The following SEPTIN11 variants were observed in gnomAD, a reference collection of about 807,000 sequenced individuals.
The protein encoded by SEPTIN11 is septin-11.
SEPTIN11 carries 25 observed loss-of-function variants against 51.4 expected under a neutral mutation model. The observed-to-expected ratio is 0.49, with a 90% CI of 0.35 to 0.68. The LOEUF is 0.68. Ranked by LOEUF, SEPTIN11 falls within the 30% of genes least tolerant of loss-of-function variation. The pLI, the probability that SEPTIN11 is intolerant of heterozygous loss-of-function variation, is 0.00. For missense variants in SEPTIN11, 381 were observed against 520.8 expected (o/e 0.73, Z 2.61); for synonymous variants, 174 against 184.1 (o/e 0.95, Z 0.44).
chr4:76,994,944 TTGAAGC>T (rs1271413333), intron 1 of SEPTIN11, among the ~76,000 whole-genome samples: 1 of 140,872 alleles, frequency 7.1e-6, no homozygotes, highest in East Asian at 2.2e-4. Flanking sequence ...AAATGGAACA[TTGAAGC>T]TGGGAGTGGT....
intron 1 of SEPTIN11, among the ~76,000 whole-genome samples, chr4:76,954,479 A>T (rs1189936890): frequency 6.6e-6 from 1 of 152,098 alleles, no homozygotes; most frequent in African/African-American, 2.4e-5. Flanking sequence ...CCCCCTTTTT[A>T]AAAATCTGGA....
At chr4:76,958,603 A>G (rs1290445857) in intron 1 of SEPTIN11, among the ~76,000 whole-genome samples, 1 of 152,208 alleles carries the variant, frequency 6.6e-6, no homozygotes. Flanking sequence ...ATAAGGGAGT[A>G]TGAATGTTAA....
chr4:77,037,731 G>GA lies in SEPTIN11; in HGVS notation c.*3223dup. ...AACACATGTACTGTAGAATGTGATG[G>GA]AAAAGCATTGATGAGAATTTATTGG... On this transcript the variant is annotated 3_prime_UTR_variant, in exon 10 of 10. Transcript: ENST00000264893. The GA allele has an allele frequency of 1.0e-6, 1 of 985,864 alleles. No homozygotes were observed. The highest frequency in any genetic ancestry group is 4.7e-5 in the South Asian group (1 of 21,286). 61.1% of individuals were successfully genotyped at this position (985,864 alleles called of 1,614,324 possible).
intron 1 of SEPTIN11, among the ~76,000 whole-genome samples, chr4:76,975,617 G>C (rs150831333): frequency 3.7e-4 from 56 of 152,268 alleles, no homozygotes; most frequent in African/African-American, 1.1e-3. Context: ...CATCAGATCT[G>C]TATTTCATTC....
chr4:77,028,434 T>C (rs540648836), intron 7 of SEPTIN11, among the ~76,000 whole-genome samples, 195 bp from the exon 8 acceptor site: 1 of 152,348 alleles, frequency 6.6e-6, no homozygotes, highest in South Asian at 2.1e-4. Context: ...ACTGACTGAT[T>C]TCTAGTTCTT....
chr4:76,979,980 C>T (rs1254457328), intron 1 of SEPTIN11, among the ~76,000 whole-genome samples: 1 of 152,068 alleles, frequency 6.6e-6, no homozygotes, highest in East Asian at 1.9e-4. Context: ...CTTTGAATGC[C>T]TTGTTTGTTT....
chr4:77,006,508 A>G (rs1401918370), intron 3 of SEPTIN11, among the ~76,000 whole-genome samples: 1 of 152,202 alleles, frequency 6.6e-6, no homozygotes, highest in Non-Finnish European at 1.5e-5. Flanking sequence ...TGACTATTTT[A>G]CATAGTACAT....
chr4:76,960,809 C>T (rs1262547699), intron 1 of SEPTIN11, among the ~76,000 whole-genome samples: 1 of 152,174 alleles, frequency 6.6e-6, no homozygotes. Context: ...TACTCCCCCA[C>T]CAAACCAAAT....
chr4:76,965,944 AAG>A (rs1450358811), intron 1 of SEPTIN11, among the ~76,000 whole-genome samples: 2 of 152,208 alleles, frequency 1.3e-5, no homozygotes, highest in African/African-American at 2.4e-5. Context: ...GCTTTAGAAA[AAG>A]AGCTATATTG....
In SEPTIN11 at chr4:77,034,779, G is replaced by A. The variant is rs1027811040; in HGVS notation, c.*267G>A. On this transcript the variant is annotated 3_prime_UTR_variant, in exon 10 of 10. Transcript: ENST00000264893. ...CTTTTTATGCCTGTTCTGAATGGCA[G>A]CACGAAGCAGGCCTGTTACTTGTAT... 6.9e-6 allele frequency: 8 copies of A among 1,160,474 alleles called. No individual in the cohort carries two copies. In the African/African-American group the frequency reaches 1.3e-4, roughly 19 times the overall value. 71.9% of individuals were successfully genotyped at this position (1,160,474 alleles called of 1,614,324 possible). A position where few individuals can be genotyped will look rare whatever the true frequency, so the allele number is the denominator to read the frequency against.
At chr4:77,003,146 A>G (rs1049056806) in intron 2 of SEPTIN11, among the ~76,000 whole-genome samples, 1 of 152,192 alleles carries the variant, frequency 6.6e-6, no homozygotes, top group Non-Finnish European at 1.5e-5. Flanking sequence ...TGGGGATTGC[A>G]TGTATCTCAT....
chr4:76,971,271 A>G (rs1743800525), intron 1 of SEPTIN11, among the ~76,000 whole-genome samples: 1 of 152,198 alleles, frequency 6.6e-6, no homozygotes, highest in African/African-American at 2.4e-5. Context: ...CAAACCTATG[A>G]GATGTTAATA....
chr4:77,015,061 C>A, intron 5 of SEPTIN11, 44 bp downstream of exon 5: 1 of 1,593,384 alleles, frequency 6.3e-7, no homozygotes, highest in Admixed American at 1.7e-5. Flanking sequence ...TTTATGAACG[C>A]CTGTCTTAGT....
At chr4:77,011,960 T>C in intron 4 of SEPTIN11, 39 bp downstream of exon 4, 1 of 1,567,234 alleles carries the variant, frequency 6.4e-7, no homozygotes, top group Non-Finnish European at 8.8e-7. Flanking sequence ...ACTCTCCTTT[T>C]AGATCTTCTT....
intron 1 of SEPTIN11, among the ~76,000 whole-genome samples, chr4:76,961,680 A>G (rs1038411458): frequency 6.6e-6 from 1 of 152,212 alleles, no homozygotes; most frequent in East Asian, 1.9e-4. Flanking sequence ...ATCTCAGGTA[A>G]TTTACCAAAT....
chr4:76,990,534 C>T (rs965569373), intron 1 of SEPTIN11, among the ~76,000 whole-genome samples: 6 of 152,210 alleles, frequency 3.9e-5, no homozygotes, highest in Non-Finnish European at 7.3e-5. Context: ...GTTCTGCCTC[C>T]TTCAGATCAG....
intron 9 of SEPTIN11, 93 bp from the exon 10 acceptor site, chr4:77,034,404 C>A: frequency 9.4e-7 from 1 of 1,065,580 alleles, no homozygotes; most frequent in Non-Finnish European, 1.3e-6. Flanking sequence ...GAGCATTCAC[C>A]ATCACTGAAT....
chr4:76,998,721 C>A (rs191167190), intron 2 of SEPTIN11, among the ~76,000 whole-genome samples: 88 of 151,976 alleles, frequency 5.8e-4, no homozygotes, highest in African/African-American at 2.0e-3. Context: ...GGTTCTTGAT[C>A]CTGCTTCTGC....
chr4:77,008,053 GTAT>G, intron 3 of SEPTIN11, among the ~76,000 whole-genome samples: 2 of 152,332 alleles, frequency 1.3e-5, no homozygotes, highest in Middle Eastern at 6.8e-3. Flanking sequence ...CAACATTCCT[GTAT>G]TATTATCTGC....
Sources: gnomAD v4.1 joint callset for allele counts (sites outside exome capture counted in the v4.1 genomes callset) on GRCh38, gnomAD v4.1.1 for gene constraint, MANE v1.5 for transcripts, NCBI Gene and HGNC (gene_info 2026-07-23, HGNC 2026-07-21) for gene names.